The following MAST4 variants were observed in gnomAD, a reference collection of about 807,000 sequenced individuals.
MAST4 encodes microtubule-associated serine/threonine-protein kinase 4.
A neutral mutation model predicts 162.7 loss-of-function variants in MAST4; 89 were observed. That is an observed-to-expected ratio of 0.55 (90% CI 0.46 to 0.65). The LOEUF is 0.65. Ranked by LOEUF, MAST4 falls within the 30% of genes least tolerant of loss-of-function variation. The pLI is 0.00. For missense variants in MAST4, 3,153 were observed against 3,374.0 expected, an observed-to-expected ratio of 0.93 and a Z score of 1.62; for synonymous variants, 1,479 against 1,361.1, an observed-to-expected ratio of 1.09 and a Z score of -1.91.
rs769674095 is a variant in MAST4 at position 67,167,020 on chromosome 5, T to C, written c.7841T>C (p.Leu2614Ser). 9 of 1,600,298 alleles carry C rather than the reference T, an allele frequency of 5.6e-6. No homozygotes were observed. In the East Asian group the frequency reaches 1.1e-4, roughly 20 times the overall value. The change falls in exon 29 of 29, where the codon TTG becomes TCG. Residue 2614 changes from leucine (L) to serine (S), a missense_variant. Leu to Ser is a moderately radical substitution (Grantham distance 145). Transcript: ENST00000403625. ...VVRQRRGKES[L>S]RSSPHKKAL ...CGGCAGAGGCGGGGGAAAGAGAGTT[T>C]GCGTAGCAGCCCTCACAAAAAGGCC...
chr5:66,638,766 C>T (rs1480200278), intron 1 of MAST4, among the ~76,000 whole-genome samples: 1 of 152,158 alleles, frequency 6.6e-6, no homozygotes. Flanking sequence ...CAGTTATTTT[C>T]TTACACTTGT....
chr5:66,864,715 C>A (rs36153), intron 3 of MAST4, among the ~76,000 whole-genome samples: 81,820 of 150,494 alleles, frequency 0.54, 23,492 homozygotes, highest in Non-Finnish European at 0.64. Context: ...AGGAGAAGAC[C>A]GCCATCTAGA....
chr5:66,962,889 C>A (rs1746186802), intron 4 of MAST4, among the ~76,000 whole-genome samples: 1 of 152,066 alleles, frequency 6.6e-6, no homozygotes, highest in Non-Finnish European at 1.5e-5. Flanking sequence ...TTTAATAGAT[C>A]TATTAGATCT....
chr5:66,880,750 G>C (rs923014222), intron 3 of MAST4, among the ~76,000 whole-genome samples: 1 of 152,110 alleles, frequency 6.6e-6, no homozygotes, highest in African/African-American at 2.4e-5. Flanking sequence ...CTTATTTTCC[G>C]TGATGCTTTG....
chr5:66,712,188 T>C (rs192524706), intron 1 of MAST4, among the ~76,000 whole-genome samples: 4 of 152,370 alleles, frequency 2.6e-5, no homozygotes, highest in African/African-American at 7.2e-5. Flanking sequence ...ACATACACAA[T>C]GCACACTTAT....
intron 23 of MAST4, among the ~76,000 whole-genome samples, chr5:67,146,381 A>G (rs866385010): frequency 8.5e-5 from 13 of 152,358 alleles, no homozygotes; most frequent in Admixed American, 3.9e-4. Flanking sequence ...TTCATTTAAA[A>G]TATCATTTGA....
chr5:67,164,146 G>T lies in MAST4; in HGVS notation c.4967G>T (p.Gly1656Val), dbSNP rs756873375. Residue 1656 changes from glycine (G) to valine (V), a missense_variant, in exon 29 of 29, where the codon GGC becomes GTC. By Grantham distance (109) the Gly-to-Val change is moderately radical (BLOSUM62 -3). This residue lies in a region of MAST4 where 1,644 missense variants were observed against 1,495.0 expected (regional missense o/e 1.10). Transcript: ENST00000403625. The surrounding 1 kb of genome is among the most constrained non-coding windows in gnomAD (Gnocchi z 5.3). The part of the protein sequence containing the change: ...QDGLCHSLDR[G>V]ISGKGEGTEK... The stretch of plus-strand genomic sequence containing the variant: ...GGTCTCTGCCACTCCCTCGACAGGG[G>T]CATCTCTGGGAAGGGGGAAGGCACG... 9.3e-6 allele frequency: 15 copies of T among 1,606,848 alleles called. No homozygotes were observed. Among genetic ancestry groups the T allele is most frequent in the Non-Finnish European group, 1.3e-5 (15 of 1,176,552 alleles).
At chr5:66,798,752 G>C (rs1197497608) in intron 3 of MAST4, among the ~76,000 whole-genome samples, 1 of 152,118 alleles carries the variant, frequency 6.6e-6, no homozygotes, top group Non-Finnish European at 1.5e-5. Flanking sequence ...GTACTCTTAA[G>C]TATGAAATAT....
chr5:67,040,706 G>A (rs1756641748), intron 4 of MAST4, among the ~76,000 whole-genome samples: 1 of 152,226 alleles, frequency 6.6e-6, no homozygotes, highest in South Asian at 2.1e-4. Context: ...TCTCTTAGCT[G>A]TGGATTCCTA....
intron 4 of MAST4, among the ~76,000 whole-genome samples, chr5:66,913,302 C>A (rs1045470173): frequency 2.6e-5 from 4 of 152,002 alleles, no homozygotes; most frequent in Non-Finnish European, 4.4e-5. Context: ...CCCAACCAGA[C>A]AACTACCAAT....
At chr5:66,835,316 G>A (rs1381824892) in intron 3 of MAST4, among the ~76,000 whole-genome samples, 1 of 152,120 alleles carries the variant, frequency 6.6e-6, no homozygotes, top group Non-Finnish European at 1.5e-5. Flanking sequence ...TGAGAGCTGT[G>A]ACCTATCCTG....
chr5:67,064,597 T>G (rs1440748563), intron 5 of MAST4, among the ~76,000 whole-genome samples: 2 of 152,222 alleles, frequency 1.3e-5, no homozygotes, highest in Non-Finnish European at 2.9e-5. Context: ...TTCATTTGCC[T>G]TGTCCATAAT....
intron 4 of MAST4, among the ~76,000 whole-genome samples, chr5:66,966,585 G>T (rs897543375): frequency 6.6e-6 from 1 of 152,178 alleles, no homozygotes; most frequent in African/African-American, 2.4e-5. Context: ...GGTGGAAAGG[G>T]AAAGAGCATG....
intron 1 of MAST4, among the ~76,000 whole-genome samples, chr5:66,604,491 C>T (rs1742752783): frequency 6.6e-6 from 1 of 152,192 alleles, no homozygotes; most frequent in Admixed American, 6.5e-5. Context: ...ATTTTATAGG[C>T]TATCATGTGG....
At chr5:66,671,343 C>T (rs1396644897) in intron 1 of MAST4, among the ~76,000 whole-genome samples, 2 of 152,184 alleles carry the variant, frequency 1.3e-5, no homozygotes, top group African/African-American at 4.8e-5. Flanking sequence ...TCCAGCATCA[C>T]ATTTGTGTTC....
chr5:66,877,552 C>T lies in MAST4; in HGVS notation c.643-22399C>T, dbSNP rs140386346. ...CTAAGCCTTGCTGACTCCTGATGGA[C>T]GTACCTAAAGTGGAGACGAGAGGTA... On this transcript the variant is annotated intron_variant, in intron 3 of 28. Coordinates refer to ENST00000403625, the MANE Select transcript of MAST4 (RefSeq NM_001164664.2). Among the ~76,000 whole-genome samples the T allele has an allele frequency of 1.6e-3, 238 of 152,302 alleles. 2 individuals are homozygous for T. The highest frequency in any genetic ancestry group is 5.1e-3 in the African/African-American group (211 of 41,554).
chr5:66,640,298 A>C (rs916902214), intron 1 of MAST4, among the ~76,000 whole-genome samples: 3 of 149,542 alleles, frequency 2.0e-5, no homozygotes, highest in African/African-American at 7.4e-5. Flanking sequence ...TGGATATCTC[A>C]CAATTTGTTT....
At chr5:66,894,283 C>T (rs146979913) in intron 3 of MAST4, among the ~76,000 whole-genome samples, 1 of 152,112 alleles carries the variant, frequency 6.6e-6, no homozygotes, top group African/African-American at 2.4e-5. Flanking sequence ...GGGGCTCAGG[C>T]GTTAGTATTT....
rs532003303 is a variant in MAST4, at chr5:66,938,036, A to T, written c.674+38054A>T. On this transcript the variant is annotated intron_variant, in intron 4 of 28. Coordinates refer to ENST00000403625, the MANE Select transcript of MAST4 (RefSeq NM_001164664.2). ...GATCCATTCAGGGCACTTAGCTGTT[A>T]TATTTATATTAATTCTAATAGTTTT... Among the ~76,000 whole-genome samples, 3 of 151,998 alleles carry T rather than the reference A, an allele frequency of 2.0e-5. No homozygotes were observed. The East Asian group carries it at 5.8e-4, about 29-fold the overall frequency.
Sources: gnomAD v4.1 joint callset for allele counts (sites outside exome capture counted in the v4.1 genomes callset) on GRCh38, gnomAD v4.1.1 for gene constraint, gnomAD v4.1.1 regional missense constraint, Gnocchi (gnomAD v3.1) non-coding constraint, MANE v1.5 for transcripts, NCBI Gene and HGNC (gene_info 2026-07-23, HGNC 2026-07-21) for gene names.